SPAG17: variants seen among roughly 807,000 people sequenced by gnomAD.
The protein encoded by SPAG17 is sperm associated antigen 17, also known as sperm-associated antigen 17.
SPAG17 carries 169 observed loss-of-function variants against 273.6 expected under a neutral mutation model. That is an observed-to-expected ratio of 0.62 (90% CI 0.55 to 0.70). SPAG17 has a LOEUF of 0.70. Ranked by LOEUF, SPAG17 falls within the 30% of genes least tolerant of loss-of-function variation. The pLI is 0.00. For synonymous variants in SPAG17, 825 were observed against 873.2 expected, an observed-to-expected ratio of 0.94 and a Z score of 0.97; for missense variants, 2,557 against 2,627.8, an observed-to-expected ratio of 0.97 and a Z score of 0.59.
intron 26 of SPAG17, among the ~76,000 whole-genome samples, chr1:118,027,282 C>G (rs1473445280): frequency 6.6e-6 from 1 of 152,046 alleles, no homozygotes; most frequent in Non-Finnish European, 1.5e-5. Context: ...ATTCAGAATG[C>G]CTAAGGAGAA....
At chr1:118,176,256 A>T (rs1432261433) in intron 1 of SPAG17, among the ~76,000 whole-genome samples, 1 of 152,138 alleles carries the variant, frequency 6.6e-6, no homozygotes, top group Non-Finnish European at 1.5e-5. Context: ...CTATAAATTG[A>T]CTCAATTCTC....
At chr1:117,985,221 A>G (rs1325990501) in intron 40 of SPAG17, among the ~76,000 whole-genome samples, 1 of 152,226 alleles carries the variant, frequency 6.6e-6, no homozygotes. Context: ...ATGATTTGTG[A>G]ATAATGTGGT....
At chr1:118,073,770 G>T in intron 17 of SPAG17, 84 bp downstream of exon 17, 1 of 840,744 alleles carries the variant, frequency 1.2e-6, no homozygotes, top group Non-Finnish European at 1.9e-6. Flanking sequence ...CTGAGAGAAT[G>T]ACCTGGAGGT....
chr1:117,991,167 T>C (rs1040182343), intron 37 of SPAG17, among the ~76,000 whole-genome samples: 3 of 152,214 alleles, frequency 2.0e-5, no homozygotes, highest in African/African-American at 4.8e-5. Flanking sequence ...TTTCAATAAA[T>C]ATCAATTTCT....
chr1:118,017,855 A>G (rs1028086882), intron 28 of SPAG17, among the ~76,000 whole-genome samples: 13 of 152,190 alleles, frequency 8.5e-5, no homozygotes, highest in Admixed American at 2.6e-4. Flanking sequence ...TGGGTCAACA[A>G]AGCAAACTGG....
intron 48 of SPAG17, chr1:117,959,679 T>C (rs1052544940): frequency 2.8e-6 from 1 of 358,698 alleles, no homozygotes; most frequent in Non-Finnish European, 4.9e-6. Context: ...CTTTCTGTGC[T>C]CTCAAAGCTT....
rs17185492 is a variant in SPAG17 at position 118,101,901 on chromosome 1, T to A, written c.473A>T (p.Glu158Val). 311,058 of 1,612,196 alleles carry A rather than the reference T, an allele frequency of 0.19. 32,212 individuals are homozygous for A. The highest frequency in any genetic ancestry group is 0.21 in the Non-Finnish European group (250,133 of 1,179,040). Residue 158 changes from glutamate to valine, a missense_variant, in exon 5 of 49, where the codon GAA becomes GTA. Physicochemically the swap from Glu to Val is moderately radical, Grantham distance 121 (BLOSUM62 -2). Transcript: ENST00000336338. ...KKVIEDKPKL[E>V]KDKGKAKSPK... Reference sequence around the variant, plus strand: ...AGATTTTGCTTTCCCTTTATCCTTTTCTAACTTAGGTTTGTCTTCTATTAC... The same window carrying A: ...AGATTTTGCTTTCCCTTTATCCTTTACTAACTTAGGTTTGTCTTCTATTAC...
chr1:117,961,463 A>G (rs1343405305), intron 48 of SPAG17: 2 of 152,202 alleles, frequency 1.3e-5, no homozygotes, highest in East Asian at 3.8e-4. Context: ...ATAAATGACT[A>G]AATCATACTT....
At chr1:118,024,953 T>A (rs1647562528) in intron 27 of SPAG17, among the ~76,000 whole-genome samples, 1 of 152,188 alleles carries the variant, frequency 6.6e-6, no homozygotes, top group African/African-American at 2.4e-5. Flanking sequence ...GAATTCACTA[T>A]TTAAATTTTT....
chr1:118,064,390 G>A (rs551584151), intron 18 of SPAG17, among the ~76,000 whole-genome samples: 221 of 151,568 alleles, frequency 1.5e-3, no homozygotes, highest in Non-Finnish European at 2.4e-3. Flanking sequence ...TATACACCAT[G>A]GAATACTATG....
intron 20 of SPAG17, among the ~76,000 whole-genome samples, chr1:118,053,762 G>A (rs767724329): frequency 6.6e-6 from 1 of 151,814 alleles, no homozygotes; most frequent in African/African-American, 2.4e-5. Context: ...AAATGACAGC[G>A]TTTTTAAAAA....
intron 29 of SPAG17, among the ~76,000 whole-genome samples, chr1:118,015,407 G>A (rs1452375371): frequency 6.6e-6 from 1 of 152,020 alleles, no homozygotes; most frequent in African/African-American, 2.4e-5. Flanking sequence ...TACAAATAAA[G>A]TTTTTGTAAA....
intron 23 of SPAG17, among the ~76,000 whole-genome samples, chr1:118,038,017 A>T (rs1264001223): frequency 6.6e-6 from 1 of 152,206 alleles, no homozygotes; most frequent in African/African-American, 2.4e-5. Flanking sequence ...AGTTGAAGAA[A>T]ATATCTGCAA....
chr1:118,174,152 A>C (rs1660568600), intron 1 of SPAG17, among the ~76,000 whole-genome samples: 1 of 152,202 alleles, frequency 6.6e-6, no homozygotes, highest in African/African-American at 2.4e-5. Context: ...TTGGATTTAC[A>C]AGACAAAATT....
Position 117,987,821 on chromosome 1 carries a change from G to T in SPAG17, c.5669+13C>A. On this transcript the variant is annotated intron_variant, in intron 40 of 48. Coordinates refer to ENST00000336338, the MANE Select transcript of SPAG17 (RefSeq NM_206996.4). ...CCTTTCAGGTCCTTATGTGCGTTTT[G>T]GGGTATAATTACCTCGTTTTGTCTA... 1 of 1,612,254 alleles carries T rather than the reference G, an allele frequency of 6.2e-7. No homozygotes were observed. Among genetic ancestry groups the T allele is most frequent in the Non-Finnish European group, 8.5e-7 (1 of 1,178,644 alleles).
At chr1:118,054,245 A>T (rs1306057856) in intron 19 of SPAG17, 152 bp from the exon 20 acceptor site, 1 of 592,882 alleles carries the variant, frequency 1.7e-6, no homozygotes, top group East Asian at 2.8e-5. Flanking sequence ...TCTAGAATGA[A>T]CATCTGAAAT....
At chr1:118,125,850 C>T (rs937847324) in intron 3 of SPAG17, among the ~76,000 whole-genome samples, 1 of 152,062 alleles carries the variant, frequency 6.6e-6, no homozygotes, top group Non-Finnish European at 1.5e-5. Context: ...ACAGATATTT[C>T]TTTAATATAC....
intron 3 of SPAG17, among the ~76,000 whole-genome samples, chr1:118,124,616 T>C (rs1657601413): frequency 6.6e-6 from 1 of 152,238 alleles, no homozygotes; most frequent in Admixed American, 6.5e-5. Flanking sequence ...GTGCTCAGAC[T>C]GTGTAACACA....
At chr1:117,982,668 T>C (rs1432865108) in intron 42 of SPAG17, among the ~76,000 whole-genome samples, 2 of 152,200 alleles carry the variant, frequency 1.3e-5, no homozygotes, top group Admixed American at 6.5e-5. Flanking sequence ...AGCACCATCA[T>C]CATACCCAAG....
Sources: allele counts gnomAD v4.1 joint callset (sites outside exome capture counted in the v4.1 genomes callset), GRCh38; gene constraint gnomAD v4.1.1; transcripts MANE v1.5; gene names NCBI Gene and HGNC (gene_info 2026-07-23, HGNC 2026-07-21).